Variants in WRN observed in about 807,000 individuals in gnomAD.
The protein encoded by WRN is bifunctional 3'-5' exonuclease/ATP-dependent helicase WRN.
A neutral mutation model predicts 180.7 loss-of-function variants in WRN; 149 were observed. That is an observed-to-expected ratio of 0.82 (90% confidence interval 0.72 to 0.94). WRN has a LOEUF of 0.94. Ranked by LOEUF, WRN falls within the 40% of genes least tolerant of loss-of-function variation. The pLI is 0.00. For missense variants in WRN, 1,661 were observed against 1,700.1 expected (o/e 0.98, Z 0.40); for synonymous variants, 548 against 568.9 (o/e 0.96, Z 0.52).
At chr8:31,097,006 C>G (rs1258626802) in intron 17 of WRN, among the ~76,000 whole-genome samples, 156 bp downstream of exon 17, 3 of 152,190 alleles carry the variant, frequency 2.0e-5, no homozygotes, top group Non-Finnish European at 2.9e-5. Context: ...TTTCACCTAT[C>G]TTATCCCATG....
In WRN at chr8:31,103,797, C is replaced by T. The variant is rs188347925; in HGVS notation, c.2088+2842C>T. 6.5e-3 allele frequency among the ~76,000 whole-genome samples: 984 copies of T among 152,128 alleles called. 9 individuals are homozygous for T. The highest frequency in any genetic ancestry group is 0.022 in the African/African-American group (905 of 41,494). On this transcript the variant is annotated intron_variant, in intron 18 of 34. Coordinates refer to ENST00000298139, the MANE Select transcript of WRN (RefSeq NM_000553.6). ...TCACCCTGGCTGGAATGCAGTGGCG[C>T]GATCTCGGCTCGCTGCAAGCTCCGC...
intron 8 of WRN, among the ~76,000 whole-genome samples, chr8:31,077,150 GAT>G (rs1276169138): frequency 3.3e-5 from 5 of 152,200 alleles, no homozygotes; most frequent in African/African-American, 7.2e-5. Context: ...TTAAAACCAT[GAT>G]ATATAAATTT....
At chr8:31,093,994 C>A (rs1813858790) in intron 16 of WRN, among the ~76,000 whole-genome samples, 1 of 152,118 alleles carries the variant, frequency 6.6e-6, no homozygotes, top group Non-Finnish European at 1.5e-5. Flanking sequence ...AGTTGTTTAT[C>A]CATTCACCTG....
chr8:31,056,826 G>C (rs1394525561), intron 1 of WRN, among the ~76,000 whole-genome samples: 1 of 152,104 alleles, frequency 6.6e-6, no homozygotes, highest in African/African-American at 2.4e-5. Flanking sequence ...AAACAATCTA[G>C]ATAGTTGAAC....
intron 21 of WRN, among the ~76,000 whole-genome samples, chr8:31,122,401 T>C (rs1242932631): frequency 6.6e-6 from 1 of 152,034 alleles, no homozygotes; most frequent in African/African-American, 2.4e-5. Context: ...TCTTATGCCA[T>C]AATTCTATCA....
At chr8:31,168,414 A>G (rs1006285327) in intron 34 of WRN, among the ~76,000 whole-genome samples, 9 of 147,104 alleles carry the variant, frequency 6.1e-5, no homozygotes, top group Non-Finnish European at 1.0e-4. Flanking sequence ...GTAGTGAAAT[A>G]TTATTTTAAC....
intron 1 of WRN, among the ~76,000 whole-genome samples, chr8:31,056,757 A>G (rs1812291378): frequency 6.6e-6 from 1 of 152,162 alleles, no homozygotes; most frequent in South Asian, 2.1e-4. Context: ...GGTTTATTTG[A>G]CTACCCCACA....
Position 31,136,836 on chromosome 8 carries a change from CGAATGAAT to C in WRN, c.2967+4360_2967+4367del, listed in dbSNP as rs60617461. 1.2e-3 allele frequency among the ~76,000 whole-genome samples: 184 copies of C among 149,556 alleles called. 1 individual carries two copies. Among genetic ancestry groups the C allele is most frequent in the African/African-American group, 3.4e-3 (137 of 40,478 alleles). On this transcript the variant is annotated intron_variant, in intron 24 of 34. Transcript: ENST00000298139. ...TGGGTGACAGAGCAATACCCTGTCTCGAATGAATGAATGAATGAATGAATGAATGAATG... is the reference window on the plus strand; with the variant it reads ...TGGGTGACAGAGCAATACCCTGTCTCGAATGAATGAATGAATGAATGAATG...
At chr8:31,104,674 G>A (rs1285604222) in intron 18 of WRN, among the ~76,000 whole-genome samples, 5 of 152,098 alleles carry the variant, frequency 3.3e-5, no homozygotes, top group Non-Finnish European at 2.9e-5. Flanking sequence ...GTTAAATTTT[G>A]TATAAGGTGT....
In WRN at chr8:31,131,958, CTTT is replaced by C. The variant is rs71208103; in HGVS notation, c.2826-390_2826-388del. Among the ~76,000 whole-genome samples the C allele has an allele frequency of 6.5e-3, 801 of 123,086 alleles. 4 individuals are homozygous for C. The highest frequency in any genetic ancestry group is 0.021 in the Middle Eastern group (5 of 234). The allele number at this position is 123,086 out of a possible 152,430, so 80.7% of individuals were successfully genotyped here. The stretch of plus-strand genomic sequence containing the variant: ...GATGTGTTTTTTCTAAGCTGAAAGG[CTTT>C]TTTTTTTTTTTTTTTTGCAACACAC... On this transcript the variant is annotated intron_variant, in intron 23 of 34. Coordinates refer to ENST00000298139, the MANE Select transcript of WRN (RefSeq NM_000553.6).
At chr8:31,145,739 T>C (rs1001371760) in intron 28 of WRN, among the ~76,000 whole-genome samples, 4 of 152,174 alleles carry the variant, frequency 2.6e-5, no homozygotes, top group African/African-American at 9.7e-5. Flanking sequence ...CTGGAAAATA[T>C]TCACTATTCT....
chr8:31,068,822 T>A (rs1303899804), intron 7 of WRN, among the ~76,000 whole-genome samples: 2 of 152,234 alleles, frequency 1.3e-5, no homozygotes, highest in African/African-American at 2.4e-5. Flanking sequence ...TCTAATTTTC[T>A]TCTGTCATTT....
chr8:31,065,840 T>G (rs1041302074), intron 5 of WRN, among the ~76,000 whole-genome samples: 1 of 152,134 alleles, frequency 6.6e-6, no homozygotes, highest in African/African-American at 2.4e-5. Context: ...ATGGAAAGCC[T>G]TTAGTTCTAA....
At chr8:31,168,011 A>G (rs1264409024) in intron 34 of WRN, among the ~76,000 whole-genome samples, 1 of 152,090 alleles carries the variant, frequency 6.6e-6, no homozygotes, top group Non-Finnish European at 1.5e-5. Context: ...TTTGTATTAG[A>G]GAATTAGGAA....
chr8:31,064,965 G>A lies in WRN; in HGVS notation c.406G>A (p.Ala136Thr), dbSNP rs17847582. The change falls in exon 5 of 35, where the codon GCA (alanine) becomes ACA (threonine). Residue 136 changes from alanine to threonine, a missense_variant. Coordinates refer to ENST00000298139, the MANE Select transcript of WRN (RefSeq NM_000553.6). ...MLLENKAVKKAGVGIEGDQWK... is the reference protein window; with the variant it reads ...MLLENKAVKKTGVGIEGDQWK... Reference sequence around the variant, plus strand: ...GCTTGAAAATAAAGCAGTTAAAAAGGCAGGTGTAGGAATTGAAGGAGATCA... The same window carrying A: ...GCTTGAAAATAAAGCAGTTAAAAAGACAGGTGTAGGAATTGAAGGAGATCA... 5.1e-5 allele frequency: 82 copies of A among 1,613,562 alleles called. No homozygotes were observed. In the East Asian group the frequency reaches 1.8e-3, roughly 36 times the overall value.
chr8:31,130,896 A>G (rs914222409), intron 23 of WRN, among the ~76,000 whole-genome samples: 1 of 152,190 alleles, frequency 6.6e-6, no homozygotes, highest in Non-Finnish European at 1.5e-5. Context: ...CCTGGAGTAT[A>G]AAGATAAGAG....
At chr8:31,074,046 A>G (rs1392073178) in intron 7 of WRN, among the ~76,000 whole-genome samples, 4 of 151,260 alleles carry the variant, frequency 2.6e-5, no homozygotes, top group Non-Finnish European at 4.4e-5. Context: ...CCTCCGGAGT[A>G]GCTGGGACTA....
At chr8:31,132,616 T>A in intron 24 of WRN, 110 bp downstream of exon 24, 1 of 1,436,728 alleles carries the variant, frequency 7.0e-7, no homozygotes, top group Non-Finnish European at 9.6e-7. Flanking sequence ...GATGGGTGAC[T>A]AGGAACTCAT....
intron 27 of WRN, among the ~76,000 whole-genome samples, chr8:31,143,067 T>A: frequency 7.4e-6 from 1 of 135,300 alleles, no homozygotes; most frequent in African/African-American, 2.9e-5. Flanking sequence ...TCTCTCTCTC[T>A]CTCTCTCACA....
Sources: gnomAD v4.1 joint callset for allele counts (sites outside exome capture counted in the v4.1 genomes callset) on GRCh38, gnomAD v4.1.1 for gene constraint, MANE v1.5 for transcripts, NCBI Gene and HGNC (gene_info 2026-07-23, HGNC 2026-07-21) for gene names.